PLCH2: variants seen among roughly 807,000 people sequenced by gnomAD.
PLCH2 encodes the protein phospholipase C eta 2, also known as 1-phosphatidylinositol 4,5-bisphosphate phosphodiesterase eta-2.
In PLCH2, 98 loss-of-function variants were observed where a neutral mutation model predicts 134.7. The ratio of observed to expected loss-of-function variants is 0.73; its 90% CI spans 0.62 to 0.86. PLCH2 has a LOEUF of 0.86. PLCH2 is among the 40% of genes least tolerant of loss of function. The pLI, the probability that PLCH2 is intolerant of heterozygous loss-of-function variation, is 0.00. For synonymous variants in PLCH2, 974 were observed against 827.5 expected (o/e 1.18, Z -3.04); for missense variants, 1,994 against 1,986.6 (o/e 1.00, Z -0.07).
intron 19 of PLCH2, 116 bp downstream of exon 19, chr1:2,499,346 G>A: frequency 3.1e-6 from 4 of 1,270,674 alleles, no homozygotes; most frequent in Non-Finnish European, 4.4e-6. Context: ...TGGCACCAAA[G>A]AGACAGGAGC....
rs1312065842 is a variant in PLCH2 at position 2,504,948 on chromosome 1, C to A, written c.3986C>A (p.Ala1329Glu). 6.4e-7 allele frequency: 1 copy of A among 1,562,906 alleles called. No homozygotes were observed. ...CTGGGCCCGGCTGGGGAGGGGGTGG[C>A]AGGGGGCCCTGGTTTTGTGCGGCGC... ...TSLGPAGEGV[A>E]GGPGFVRRSS... is the part of the protein sequence containing the mutation. The change falls in exon 22 of 22, where the codon GCA (alanine) becomes GAA (glutamate). Residue 1329 changes from alanine to glutamate, a missense_variant. This residue lies in a region of PLCH2 where 900 missense variants were observed against 752.3 expected (regional missense o/e 1.20). Coordinates refer to ENST00000378486, the MANE Select transcript of PLCH2 (RefSeq NM_014638.4).
intron 2 of PLCH2, among the ~76,000 whole-genome samples, chr1:2,454,271 G>A (rs1326601891): frequency 6.6e-6 from 1 of 152,180 alleles, no homozygotes; most frequent in Non-Finnish European, 1.5e-5. Context: ...GATGGCCAGT[G>A]CCCCGCCCAC....
chr1:2,498,367 G>A lies in PLCH2; in HGVS notation c.2225-156G>A, dbSNP rs1346587382. 6.7e-6 allele frequency: 5 copies of A among 741,916 alleles called. No individual in the cohort carries two copies. Among genetic ancestry groups the A allele is most frequent in the Admixed American group, 5.8e-5 (2 of 34,766 alleles). The allele number at this position is 741,916 out of a possible 1,614,324, so 46.0% of individuals were successfully genotyped here. A position where few individuals can be genotyped will look rare whatever the true frequency, so the allele number is the denominator to read the frequency against. On this transcript the variant is annotated intron_variant, in intron 16 of 21. Transcript: ENST00000378486. The surrounding 1 kb of genome is among the most constrained non-coding windows in gnomAD (Gnocchi z 5.4). ...CCATACTGGGCCAGGTGCACCCCGA[G>A]GTGCCCCCCTGGACCACTGCCTCCC...
In PLCH2 at chr1:2,491,173, C is replaced by T. The variant is rs757697709; in HGVS notation, c.1516-19C>T. The stretch of plus-strand genomic sequence containing the variant: ...GGGCTCGGGACAGATGCCAACAGGC[C>T]GGCCTCTGGCTCCTGCAGGCATCCA... On this transcript the variant is annotated intron_variant, in intron 10 of 21. Transcript: ENST00000378486. The T allele has an allele frequency of 8.1e-6, 13 of 1,606,014 alleles. No individual in the cohort carries two copies. The highest frequency in any genetic ancestry group is 1.7e-4 in the Middle Eastern group (1 of 6,056).
At chr1:2,479,051 G>T (rs1641802780) in intron 2 of PLCH2, 5 of 190,628 alleles carry the variant, frequency 2.6e-5, no homozygotes, top group African/African-American at 1.2e-4. Flanking sequence ...ACCCGAGATG[G>T]AGGCTCTGTG....
rs767740235 is a variant in PLCH2 at position 2,480,205 on chromosome 1, G to A, written c.538G>A (p.Glu180Lys). 19 of 1,612,878 alleles carry A rather than the reference G, an allele frequency of 1.2e-5. No individual in the cohort carries two copies. The highest frequency in any genetic ancestry group is 1.6e-5 in the Non-Finnish European group (19 of 1,179,850). The change falls in exon 4 of 22, where the codon GAG becomes AAG. Residue 180 changes from glutamate (E) to lysine (K), a missense_variant. By Grantham distance (56) the Glu-to-Lys change is moderately conservative. Transcript: ENST00000378486. ...AAAGTGGCTGAAGCAGACGTTTGACGAGGCCGACAAGAACGGGGATGGCAG... is the reference window on the plus strand; with the variant it reads ...AAAGTGGCTGAAGCAGACGTTTGACAAGGCCGACAAGAACGGGGATGGCAG... Reference protein sequence around the residue: ...RDQWLKQTFDEADKNGDGSLS... With the variant: ...RDQWLKQTFDKADKNGDGSLS...
the PLCH2 span, among the ~76,000 whole-genome samples, chr1:2,417,652 G>A: frequency 1.3e-5 from 2 of 152,336 alleles, no homozygotes; most frequent in East Asian, 3.9e-4. Context: ...GCTGTGCTGA[G>A]TGTGGCCAGC....
chr1:2,454,992 C>T (rs1640420365), intron 2 of PLCH2, among the ~76,000 whole-genome samples: 1 of 152,150 alleles, frequency 6.6e-6, no homozygotes, highest in Non-Finnish European at 1.5e-5. Flanking sequence ...CCTCGGCCCC[C>T]CATGTGGCCT....
At chr1:2,428,728 G>C (rs1056009571) in intron 1 of PLCH2, among the ~76,000 whole-genome samples, 2 of 152,252 alleles carry the variant, frequency 1.3e-5, no homozygotes, top group Admixed American at 6.5e-5. Flanking sequence ...CGGCTGGGAC[G>C]GTGGCTGGAT....
chr1:2,473,232 A>C (rs1469447922), upstream of PLCH2, among the ~76,000 whole-genome samples: 3 of 152,232 alleles, frequency 2.0e-5, no homozygotes, highest in African/African-American at 7.2e-5. Flanking sequence ...AGGCACTGAG[A>C]CAGGGAGGAC....
chr1:2,430,645 G>A, intron 2 of PLCH2: 1 of 152,416 alleles, frequency 6.6e-6, no homozygotes, highest in Non-Finnish European at 1.5e-5. Context: ...TGAGGCCCTG[G>A]CTACCCACAC....
chr1:2,489,899 T>A (rs1642477459), intron 10 of PLCH2, 32 bp downstream of exon 10: 1 of 1,460,600 alleles, frequency 6.8e-7, no homozygotes, highest in Non-Finnish European at 9.6e-7. Context: ...GGGGGGCGCG[T>A]GGAGCCTGCA....
At chr1:2,416,327 C>T in the PLCH2 span, among the ~76,000 whole-genome samples, 94 of 152,324 alleles carry the variant, frequency 6.2e-4, 1 homozygote, top group African/African-American at 2.0e-3. Flanking sequence ...GCAGTGTCCC[C>T]TCCCTTCTCT....
chr1:2,432,866 A>G (rs893413276), intron 2 of PLCH2, among the ~76,000 whole-genome samples: 2 of 152,134 alleles, frequency 1.3e-5, no homozygotes, highest in Non-Finnish European at 2.9e-5. Context: ...AGGCGCCTGG[A>G]GGTCTTTCCC....
chr1:2,458,205 G>A (rs1377337052), intron 2 of PLCH2, among the ~76,000 whole-genome samples: 2 of 152,186 alleles, frequency 1.3e-5, no homozygotes, highest in Admixed American at 6.5e-5. Context: ...GGGGCGGGGG[G>A]ACTCCTATCA....
chr1:2,499,783 G>GC (rs976282953), intron 20 of PLCH2, 63 bp downstream of exon 20: 50 of 1,280,980 alleles, frequency 3.9e-5, no homozygotes, highest in Middle Eastern at 2.2e-4. Context: ...CTTGTCCCAT[G>GC]CCCCCCCATG....
In PLCH2 at chr1:2,496,896, G is replaced by T. The variant is rs768829357; in HGVS notation, c.2002G>T (p.Ala668Ser). 14 of 1,612,912 alleles carry T rather than the reference G, an allele frequency of 8.7e-6. No individual in the cohort carries two copies. Among genetic ancestry groups the T allele is most frequent in the Non-Finnish European group, 8.5e-7 (1 of 1,179,852 alleles). The change falls in exon 15 of 22, where the codon GCG becomes TCG. Residue 668 changes from alanine (A) to serine (S), a missense_variant. By Grantham distance (99) the Ala-to-Ser change is moderately conservative. Coordinates refer to ENST00000378486, the MANE Select transcript of PLCH2 (RefSeq NM_014638.4). ...CCACCAGATTCTGCAGCAGAAGCCG[G>T]CGCAGTACCTACGCTTCAACCAGCA... ...KAHQILQQKP[A>S]QYLRFNQQQL... is the part of the protein sequence containing the mutation.
At chr1:2,424,828 A>G (rs1346049715), upstream of PLCH2, among the ~76,000 whole-genome samples, 2 of 152,178 alleles carry the variant, frequency 1.3e-5, no homozygotes, top group Admixed American at 6.5e-5. Context: ...TCTACTAAAA[A>G]TAAAAAAATT....
chr1:2,495,581 T>C lies in PLCH2; in HGVS notation c.1835+11T>C. On this transcript the variant is annotated intron_variant, in intron 13 of 21. Transcript: ENST00000378486. ...AGGCCAGAGCCGAGGGTAGGTGCCC[T>C]GCCCCACGGGGAGGCCCCGCACACT... 1 of 1,536,692 alleles carries C rather than the reference T, an allele frequency of 6.5e-7. No individual in the cohort carries two copies. The highest frequency in any genetic ancestry group is 1.9e-4 in the Middle Eastern group (1 of 5,328).
Sources: allele counts gnomAD v4.1 joint callset (sites outside exome capture counted in the v4.1 genomes callset), GRCh38; gene constraint gnomAD v4.1.1; regional missense constraint gnomAD v4.1.1; non-coding constraint Gnocchi (gnomAD v3.1); transcripts MANE v1.5; gene names NCBI Gene and HGNC (gene_info 2026-07-23, HGNC 2026-07-21).